TNFSF4: variants seen among roughly 807,000 people sequenced by gnomAD.
TNFSF4 encodes tumor necrosis factor ligand superfamily member 4.
Under a neutral mutation model 7.3 loss-of-function variants are expected in TNFSF4, and 4 were observed. That is an observed-to-expected ratio of 0.55 (90% CI 0.27 to 1.25). TNFSF4 has a LOEUF of 1.25. Ranked by LOEUF, TNFSF4 falls within the 50% of genes most tolerant of loss-of-function variation. TNFSF4 has a pLI of 0.12. For missense variants in TNFSF4, 181 were observed against 208.8 expected, an observed-to-expected ratio of 0.87 and a Z score of 0.82; for synonymous variants, 76 against 83.7, an observed-to-expected ratio of 0.91 and a Z score of 0.50.
the TNFSF4 span, among the ~76,000 whole-genome samples, chr1:173,339,854 T>A: frequency 6.6e-6 from 1 of 152,202 alleles, no homozygotes; most frequent in African/African-American, 2.4e-5. Flanking sequence ...TGTAGATAGA[T>A]GCCAAGTTAA....
the TNFSF4 span, among the ~76,000 whole-genome samples, chr1:173,421,656 T>G: frequency 6.6e-6 from 1 of 152,156 alleles, no homozygotes; most frequent in Non-Finnish European, 1.5e-5. Flanking sequence ...CTGTCTTCCT[T>G]GCCAATTTAT....
At chr1:173,383,529 C>T in the TNFSF4 span, among the ~76,000 whole-genome samples, 1 of 152,160 alleles carries the variant, frequency 6.6e-6, no homozygotes, top group African/African-American at 2.4e-5. Context: ...TTGAAGATTA[C>T]CTCATTTCCT....
At chr1:173,363,598 C>T in the TNFSF4 span, 5 of 483,132 alleles carry the variant, frequency 1.0e-5, no homozygotes, top group East Asian at 5.9e-5. Flanking sequence ...TGGGGAGTGT[C>T]GTAGATCACT....
At chr1:173,228,229 G>T in the TNFSF4 span, among the ~76,000 whole-genome samples, 1 of 152,322 alleles carries the variant, frequency 6.6e-6, no homozygotes, top group Non-Finnish European at 1.5e-5. Flanking sequence ...CTGAGACAAA[G>T]CTTCCAGAGG....
At chr1:173,370,460 C>A in the TNFSF4 span, among the ~76,000 whole-genome samples, 1 of 152,102 alleles carries the variant, frequency 6.6e-6, no homozygotes, top group African/African-American at 2.4e-5. Flanking sequence ...TCTAGAAAGA[C>A]TAAGAAGAAT....
At chr1:173,179,513 C>A (rs149692902), downstream of TNFSF4, among the ~76,000 whole-genome samples, 26 of 152,266 alleles carry the variant, frequency 1.7e-4, no homozygotes, top group East Asian at 5.0e-3. Flanking sequence ...CTATACACAC[C>A]CCTTTAATCA....
At chr1:173,312,608 T>G in the TNFSF4 span, among the ~76,000 whole-genome samples, 1 of 152,086 alleles carries the variant, frequency 6.6e-6, no homozygotes, top group Non-Finnish European at 1.5e-5. Flanking sequence ...ATAGATTTCC[T>G]AAAAGTTCAC....
At chr1:173,422,756 T>C in the TNFSF4 span, among the ~76,000 whole-genome samples, 3,536 of 152,182 alleles carry the variant, frequency 0.023, 141 homozygotes, top group African/African-American at 0.081. Context: ...AACCAGTCAA[T>C]TACCAAGCAA....
chr1:173,175,816 G>C, the TNFSF4 span, among the ~76,000 whole-genome samples: 11 of 152,292 alleles, frequency 7.2e-5, no homozygotes, highest in African/African-American at 2.6e-4. Flanking sequence ...TTTTTCCCCA[G>C]GCTCCTTAGC....
At chr1:173,177,015 C>T in the TNFSF4 span, among the ~76,000 whole-genome samples, 1 of 151,846 alleles carries the variant, frequency 6.6e-6, no homozygotes, top group African/African-American at 2.4e-5. Flanking sequence ...AACTACCTAT[C>T]GAGTACTGTG....
the TNFSF4 span, among the ~76,000 whole-genome samples, chr1:173,346,758 C>T: frequency 6.6e-6 from 1 of 152,060 alleles, no homozygotes; most frequent in Admixed American, 6.6e-5. Flanking sequence ...ATCCTGCCCA[C>T]CCAGAAAAAC....
chr1:173,447,823 TA>T, the TNFSF4 span, among the ~76,000 whole-genome samples: 1 of 151,982 alleles, frequency 6.6e-6, no homozygotes, highest in African/African-American at 2.4e-5. Flanking sequence ...GCACACCAAT[TA>T]AAACATCGAG....
the TNFSF4 span, among the ~76,000 whole-genome samples, chr1:173,448,553 T>G: frequency 6.6e-6 from 1 of 151,886 alleles, no homozygotes; most frequent in Admixed American, 6.6e-5. Context: ...TTTTATAAGA[T>G]TTGGGTAGGT....
chr1:173,322,413 CA>C, the TNFSF4 span, among the ~76,000 whole-genome samples: 1 of 151,864 alleles, frequency 6.6e-6, no homozygotes, highest in African/African-American at 2.4e-5. Context: ...GGGGTGGAGC[CA>C]AGATGGCCGA....
chr1:173,208,217 C>G (rs915228130), upstream of TNFSF4, among the ~76,000 whole-genome samples: 1 of 152,074 alleles, frequency 6.6e-6, no homozygotes, highest in Non-Finnish European at 1.5e-5. Flanking sequence ...ATGTAAAGTT[C>G]AAATGGGCAA....
the TNFSF4 span, among the ~76,000 whole-genome samples, chr1:173,365,977 C>G: frequency 6.6e-6 from 1 of 152,174 alleles, no homozygotes; most frequent in African/African-American, 2.4e-5. Context: ...CAGGCAATAA[C>G]AAATGCTAGT....
the TNFSF4 span, among the ~76,000 whole-genome samples, chr1:173,230,272 AACTC>A: frequency 6.6e-6 from 1 of 152,252 alleles, no homozygotes; most frequent in Non-Finnish European, 1.5e-5. Context: ...AGGATTAAGA[AACTC>A]ACTCAAAACA....
At chr1:173,231,254 A>C in the TNFSF4 span, among the ~76,000 whole-genome samples, 5 of 152,244 alleles carry the variant, frequency 3.3e-5, no homozygotes, top group African/African-American at 4.8e-5. Context: ...ACCATGATCA[A>C]GTGGGCTTCA....
chr1:173,398,369 CA>C, the TNFSF4 span, among the ~76,000 whole-genome samples: 6 of 148,000 alleles, frequency 4.1e-5, no homozygotes, highest in Non-Finnish European at 6.0e-5. Context: ...ATAAATTCAA[CA>C]AAAATTCAAG....
Sources: allele counts gnomAD v4.1 joint callset (sites outside exome capture counted in the v4.1 genomes callset), GRCh38; gene constraint gnomAD v4.1.1; transcripts MANE v1.5; gene names NCBI Gene and HGNC (gene_info 2026-07-23, HGNC 2026-07-21).